The following LHFPL3 variants were observed in gnomAD, a reference collection of about 807,000 sequenced individuals.
LHFPL3 encodes LHFPL tetraspan subfamily member 3, also known as LHFPL tetraspan subfamily member 3 protein.
A neutral mutation model predicts 19.3 loss-of-function variants in LHFPL3; 5 were observed. The observed-to-expected ratio is 0.26, with a 90% CI of 0.14 to 0.54. The LOEUF is 0.54. Ranked by LOEUF, LHFPL3 falls within the 20% of genes least tolerant of loss-of-function variation. The probability of loss-of-function intolerance (pLI) is 0.94; values close to 1 mark genes in which losing one functional copy is unlikely to be tolerated. For missense variants in LHFPL3, 249 were observed against 307.4 expected, an observed-to-expected ratio of 0.81 and a Z score of 1.42; for synonymous variants, 133 against 126.2, an observed-to-expected ratio of 1.05 and a Z score of -0.36.
At chr7:104,824,805 AATAT>A (rs1036723086) in intron 2 of LHFPL3, among the ~76,000 whole-genome samples, 9 of 123,628 alleles carry the variant, frequency 7.3e-5, no homozygotes, top group South Asian at 4.6e-4. Flanking sequence ...TGTTTCAAAA[AATAT>A]ATATAATGAT....
intron 1 of LHFPL3, among the ~76,000 whole-genome samples, chr7:104,497,309 G>GAAAAAAAAAAAAAAAAAAAAA (rs34908934): frequency 2.1e-5 from 2 of 96,694 alleles, no homozygotes; most frequent in African/African-American, 3.3e-5. Context: ...TTGAGAAAAG[G>GAAAAAAAAAAAAAAAAAAAAA]AAAAAAAAAA....
intron 2 of LHFPL3, among the ~76,000 whole-genome samples, chr7:104,756,464 G>T (rs1794287086): frequency 6.6e-6 from 1 of 151,976 alleles, no homozygotes; most frequent in African/African-American, 2.4e-5. Flanking sequence ...TCTGAAATGT[G>T]TATCTATATT....
intron 1 of LHFPL3, among the ~76,000 whole-genome samples, chr7:104,531,140 AT>A (rs796135507): frequency 8.5e-5 from 13 of 152,330 alleles, no homozygotes; most frequent in African/African-American, 3.1e-4. Flanking sequence ...ACAAATGGAC[AT>A]TTTTTAATGA....
intron 1 of LHFPL3, among the ~76,000 whole-genome samples, chr7:104,532,990 C>T (rs1794330917): frequency 6.6e-6 from 1 of 152,162 alleles, no homozygotes; most frequent in Non-Finnish European, 1.5e-5. Context: ...ATCACCTTCC[C>T]AGAATTCTTC....
chr7:104,350,928 T>C (rs1365424607), intron 1 of LHFPL3, among the ~76,000 whole-genome samples: 5 of 151,528 alleles, frequency 3.3e-5, no homozygotes, highest in Admixed American at 2.6e-4. Flanking sequence ...TAATCCCAGC[T>C]ACTCAGGAGG....
At chr7:104,650,073 A>T (rs1792003266) in intron 1 of LHFPL3, among the ~76,000 whole-genome samples, 2 of 152,216 alleles carry the variant, frequency 1.3e-5, no homozygotes, top group Non-Finnish European at 2.9e-5. Flanking sequence ...CCATTCAAGA[A>T]GTGAGGCCCA....
intron 2 of LHFPL3, among the ~76,000 whole-genome samples, chr7:104,898,718 GCTGAGGTGGGAGAA>G (rs1194062914): frequency 3.3e-5 from 5 of 152,162 alleles, no homozygotes. Context: ...ACTCCGGGAG[GCTGAGGTGGGAGAA>G]CTGCTTGAGC....
At chr7:104,620,594 A>G (rs1321165420) in intron 1 of LHFPL3, among the ~76,000 whole-genome samples, 2 of 152,128 alleles carry the variant, frequency 1.3e-5, no homozygotes, top group Non-Finnish European at 2.9e-5. Context: ...TCTAGCCTCC[A>G]GCTTTGTCCT....
At position 104,524,665 on chromosome 7, in the gene LHFPL3, A is replaced by C. The variant is rs116059828; in HGVS notation, c.445+195441A>C. On this transcript the variant is annotated intron_variant, in intron 1 of 2. Transcript: ENST00000424859. ...TTATAAAATCTTATCCACAAAAAAG[A>C]AGTGTGATTTAATTTTGGAGCACTA... 4.4e-3 allele frequency among the ~76,000 whole-genome samples: 668 copies of C among 152,264 alleles called. 6 individuals carry two copies. The highest frequency in any genetic ancestry group is 0.015 in the African/African-American group (604 of 41,548).
chr7:104,809,205 C>A (rs1319143116), intron 2 of LHFPL3, among the ~76,000 whole-genome samples: 2 of 152,100 alleles, frequency 1.3e-5, no homozygotes, highest in Admixed American at 1.3e-4. Flanking sequence ...GATCTTGGAC[C>A]CTCTTGACAA....
At chr7:104,482,346 C>T (rs1793153842) in intron 1 of LHFPL3, among the ~76,000 whole-genome samples, 1 of 152,196 alleles carries the variant, frequency 6.6e-6, no homozygotes, top group East Asian at 1.9e-4. Context: ...TCTAAGACAT[C>T]CTGGTAGTCT....
intron 1 of LHFPL3, among the ~76,000 whole-genome samples, chr7:104,697,280 A>G (rs1209310711): frequency 6.6e-6 from 1 of 152,238 alleles, no homozygotes; most frequent in Non-Finnish European, 1.5e-5. Flanking sequence ...CCAAAAAGAA[A>G]CATTAGCAAC....
At chr7:104,502,069 A>G (rs1371564647) in intron 1 of LHFPL3, among the ~76,000 whole-genome samples, 3 of 152,242 alleles carry the variant, frequency 2.0e-5, no homozygotes, top group Non-Finnish European at 4.4e-5. Flanking sequence ...GAAAAAAATG[A>G]TTTTGTGAAA....
intron 1 of LHFPL3, among the ~76,000 whole-genome samples, chr7:104,437,955 T>G (rs1792143885): frequency 6.6e-6 from 1 of 152,228 alleles, no homozygotes; most frequent in Admixed American, 6.5e-5. Context: ...AAACCTTTAA[T>G]CATGGTTTGG....
chr7:104,752,934 G>A, intron 2 of LHFPL3: 1 of 332,202 alleles, frequency 3.0e-6, no homozygotes. Flanking sequence ...GTGTGGTCCA[G>A]TTATTACAAC....
intron 1 of LHFPL3, among the ~76,000 whole-genome samples, chr7:104,554,110 A>G (rs191594786): frequency 3.3e-5 from 5 of 152,308 alleles, no homozygotes; most frequent in Non-Finnish European, 7.3e-5. Context: ...CAATATTAAA[A>G]TGAATCATCC....
At position 104,906,374 on chromosome 7, in the gene LHFPL3, C is replaced by T. The variant is rs545723740; in HGVS notation, c.*159C>T. On this transcript the variant is annotated 3_prime_UTR_variant, in exon 3 of 3. Coordinates refer to ENST00000424859, the MANE Select transcript of LHFPL3 (RefSeq NM_199000.3). ...AATGGAACATTCACTTGTCAACGCACTTTCTAAATCTAGATCAGCAGAGAT... is the reference window on the plus strand; with the variant it reads ...AATGGAACATTCACTTGTCAACGCATTTTCTAAATCTAGATCAGCAGAGAT... The T allele has an allele frequency of 8.7e-6, 7 of 806,086 alleles. No homozygotes were observed. The Admixed American group carries it at 1.6e-4, about 18-fold the overall frequency. The allele number at this position is 806,086 out of a possible 1,614,324, so 49.9% of individuals were successfully genotyped here. A position where few individuals can be genotyped will look rare whatever the true frequency, so the allele number is the denominator to read the frequency against.
chr7:104,564,581 A>G lies in LHFPL3; in HGVS notation c.446-172094A>G, dbSNP rs553850697. On this transcript the variant is annotated intron_variant, in intron 1 of 2. Coordinates refer to ENST00000424859, the MANE Select transcript of LHFPL3 (RefSeq NM_199000.3). ...AGTTAAGTTTTTACATGAGAAAGAA[A>G]GTAAACAGGCAGATTTTGATGTAGA... Among the ~76,000 whole-genome samples the G allele has an allele frequency of 2.6e-5, 4 of 152,376 alleles. No individual in the cohort carries two copies. The East Asian group carries it at 7.7e-4, about 29-fold the overall frequency.
chr7:104,716,628 C>T lies in LHFPL3; in HGVS notation c.446-20047C>T, dbSNP rs192659139. Among the ~76,000 whole-genome samples the T allele has an allele frequency of 9.2e-5, 14 of 152,068 alleles. No individual in the cohort carries two copies. In the East Asian group the frequency reaches 2.7e-3, roughly 29 times the overall value. On this transcript the variant is annotated intron_variant, in intron 1 of 2. Coordinates refer to ENST00000424859, the MANE Select transcript of LHFPL3 (RefSeq NM_199000.3). ...AATAAACTTAACTAAGGAGGTGAAA[C>T]ACTTATATGCTGAAAACCACAATAC...
Sources: allele counts gnomAD v4.1 joint callset (sites outside exome capture counted in the v4.1 genomes callset), GRCh38; gene constraint gnomAD v4.1.1; transcripts MANE v1.5; gene names NCBI Gene and HGNC (gene_info 2026-07-23, HGNC 2026-07-21).